The following UNC5C variants were observed in gnomAD, a reference collection of about 807,000 sequenced individuals.
UNC5C encodes unc-5 netrin receptor C, also known as netrin receptor UNC5C.
A neutral mutation model predicts 99.8 loss-of-function variants in UNC5C; 47 were observed. The ratio of observed to expected loss-of-function variants is 0.47; its 90% CI spans 0.37 to 0.60. UNC5C has a LOEUF of 0.60. Among genes scored for constraint, UNC5C ranks in the 20% least tolerant of loss-of-function variants. UNC5C has a pLI of 0.00. For synonymous variants in UNC5C, 487 were observed against 452.2 expected, an observed-to-expected ratio of 1.08 and a Z score of -0.98; for missense variants, 1,062 against 1,165.9, an observed-to-expected ratio of 0.91 and a Z score of 1.30.
intron 3 of UNC5C, among the ~76,000 whole-genome samples, chr4:95,291,903 C>T (rs574991334): frequency 5.9e-4 from 89 of 152,054 alleles, no homozygotes; most frequent in Middle Eastern, 3.4e-3. Flanking sequence ...CATACTACAA[C>T]TCAGAAATGT....
intron 2 of UNC5C, among the ~76,000 whole-genome samples, chr4:95,306,732 G>A (rs1376383468): frequency 6.6e-6 from 1 of 152,106 alleles, no homozygotes; most frequent in African/African-American, 2.4e-5. Flanking sequence ...AAGATATCAT[G>A]TTGTGCAGGC....
At chr4:95,374,182 C>T (rs113469114) in intron 1 of UNC5C, among the ~76,000 whole-genome samples, 259 of 152,156 alleles carry the variant, frequency 1.7e-3, no homozygotes, top group African/African-American at 5.9e-3. Context: ...CAGACTTGCC[C>T]TCAACATTTG....
intron 1 of UNC5C, among the ~76,000 whole-genome samples, chr4:95,504,591 G>A (rs1721862818): frequency 6.6e-6 from 1 of 151,990 alleles, no homozygotes; most frequent in African/African-American, 2.4e-5. Context: ...ATTATTTAAA[G>A]GCAAGGAGAA....
At chr4:95,409,015 A>T (rs558624171) in intron 1 of UNC5C, among the ~76,000 whole-genome samples, 1 of 152,334 alleles carries the variant, frequency 6.6e-6, no homozygotes, top group South Asian at 2.1e-4. Flanking sequence ...CAGGTGAAGT[A>T]CACAGTTTGA....
rs753080058 is a variant in UNC5C at position 95,250,502 on chromosome 4, T to A, written c.760A>T (p.Thr254Ser). The A allele has an allele frequency of 6.2e-7, 1 of 1,613,992 alleles. No individual in the cohort carries two copies. The highest frequency in any genetic ancestry group is 8.5e-7 in the Non-Finnish European group (1 of 1,179,936). The change falls in exon 5 of 16, where the codon ACT becomes TCT. Residue 254 changes from threonine (T) to serine (S), a missense_variant. Thr to Ser is a moderately conservative substitution (Grantham distance 58, BLOSUM62 1). Around this residue, in one of 3 missense-constraint regions of UNC5C, gnomAD observed 810 missense variants for 854.5 expected, o/e 0.95. Transcript: ENST00000453304. ...GGCCACTCACCATAGACTATGACAG[T>A]GGCAGTTGTACTTTTCCTCTTGGCA... ...IVAKRKSTTA[T>S]VIVYVNGGWS... is the part of the protein sequence containing the mutation.
rs28685707 is a variant in UNC5C, at chr4:95,176,914, T to G, written c.2451+5983A>C. On this transcript the variant is annotated intron_variant, in intron 14 of 15. Coordinates refer to ENST00000453304, the MANE Select transcript of UNC5C (RefSeq NM_003728.4). Reference sequence around the variant, plus strand: ...GCGAGACTCTGTGGGCGTAGGACCCTCCGAGCCAGGTGCGGGATATAATCT... The same window carrying G: ...GCGAGACTCTGTGGGCGTAGGACCCGCCGAGCCAGGTGCGGGATATAATCT... Among the ~76,000 whole-genome samples the G allele has an allele frequency of 6.9e-3, 1,047 of 151,914 alleles. 14 individuals carry two copies. Among genetic ancestry groups the G allele is most frequent in the African/African-American group, 0.024 (1,001 of 41,534 alleles).
chr4:95,245,036 C>G lies in UNC5C; in HGVS notation c.884G>C (p.Gly295Ala). The G allele has an allele frequency of 2.5e-6, 4 of 1,614,018 alleles. No homozygotes were observed. Among genetic ancestry groups the G allele is most frequent in the Non-Finnish European group, 3.4e-6 (4 of 1,179,958 alleles). ...RTCTNPAPLNGGAFCEGQSVQ... is the reference protein window; with the variant it reads ...RTCTNPAPLNAGAFCEGQSVQ... ...ACTCTGCCCTTCACAGAAGGCACCCCCATTGAGTGGTGCCGGGTTGGTACA... is the reference window on the plus strand; with the variant it reads ...ACTCTGCCCTTCACAGAAGGCACCCGCATTGAGTGGTGCCGGGTTGGTACA... The change falls in exon 6 of 16, where the codon GGG becomes GCG. Residue 295 changes from glycine to alanine, a missense_variant. By Grantham distance (60) the Gly-to-Ala change is moderately conservative (BLOSUM62 0). This residue lies in a region of UNC5C where 810 missense variants were observed against 854.5 expected (regional missense o/e 0.95). Coordinates refer to ENST00000453304, the MANE Select transcript of UNC5C (RefSeq NM_003728.4).
intron 3 of UNC5C, among the ~76,000 whole-genome samples, chr4:95,287,479 C>G (rs1741277394): frequency 6.6e-6 from 1 of 152,202 alleles, no homozygotes; most frequent in African/African-American, 2.4e-5. Flanking sequence ...GAAGCTCTTT[C>G]AGGTATAGCA....
chr4:95,303,069 G>GGAGT (rs1407593904), intron 2 of UNC5C, among the ~76,000 whole-genome samples: 3 of 152,102 alleles, frequency 2.0e-5, no homozygotes, highest in Non-Finnish European at 4.4e-5. Context: ...AAGGGAATTA[G>GGAGT]GAGTTTGAGA....
chr4:95,497,767 T>C (rs1479463461), intron 1 of UNC5C, among the ~76,000 whole-genome samples: 1 of 152,040 alleles, frequency 6.6e-6, no homozygotes, highest in Non-Finnish European at 1.5e-5. Flanking sequence ...GTTAAGAAAC[T>C]GTAGCAAAGG....
At chr4:95,433,036 T>C (rs1169888537) in intron 1 of UNC5C, among the ~76,000 whole-genome samples, 1 of 152,118 alleles carries the variant, frequency 6.6e-6, no homozygotes, top group Non-Finnish European at 1.5e-5. Flanking sequence ...TAAAAAACTT[T>C]AAAAGTAGAA....
intron 1 of UNC5C, among the ~76,000 whole-genome samples, chr4:95,518,845 A>G (rs1399818239): frequency 2.6e-5 from 4 of 152,180 alleles, no homozygotes; most frequent in Non-Finnish European, 4.4e-5. Flanking sequence ...AATATTTTTT[A>G]AAGGAGGATC....
At chr4:95,420,915 T>A (rs377502019) in intron 1 of UNC5C, among the ~76,000 whole-genome samples, 9 of 152,208 alleles carry the variant, frequency 5.9e-5, no homozygotes, top group African/African-American at 2.2e-4. Context: ...CACTTAAGAT[T>A]ATGAAGCCTA....
intron 1 of UNC5C, among the ~76,000 whole-genome samples, chr4:95,398,990 A>G (rs1382046611): frequency 6.6e-6 from 1 of 152,212 alleles, no homozygotes. Flanking sequence ...TGAATAATAC[A>G]GGAAAACTGT....
intron 1 of UNC5C, among the ~76,000 whole-genome samples, chr4:95,459,864 A>G (rs781409604): frequency 5.3e-5 from 8 of 152,210 alleles, no homozygotes; most frequent in Non-Finnish European, 1.0e-4. Flanking sequence ...AGTATTCTTC[A>G]TAATTTTATA....
At chr4:95,182,854 T>G (rs1305680408) in intron 14 of UNC5C, 43 bp downstream of exon 14, 1 of 1,583,622 alleles carries the variant, frequency 6.3e-7, no homozygotes, top group Non-Finnish European at 8.6e-7. Context: ...TCTTCCTGAG[T>G]GTCGCACTCT....
chr4:95,257,059 C>A (rs1560756049), intron 4 of UNC5C, among the ~76,000 whole-genome samples: 1 of 152,084 alleles, frequency 6.6e-6, no homozygotes, highest in African/African-American at 2.4e-5. Flanking sequence ...TTTGGCAACA[C>A]CCTCACAGAC....
At chr4:95,294,663 C>A (rs976007606) in intron 3 of UNC5C, among the ~76,000 whole-genome samples, 1 of 152,122 alleles carries the variant, frequency 6.6e-6, no homozygotes, top group African/African-American at 2.4e-5. Flanking sequence ...GAATTTCAAC[C>A]TCTAGGATTG....
intron 12 of UNC5C, among the ~76,000 whole-genome samples, chr4:95,201,387 T>C (rs191779742): frequency 6.6e-6 from 1 of 152,098 alleles, no homozygotes. Flanking sequence ...TTCAGCTCCA[T>C]CACACGTTCC....
Sources: allele counts gnomAD v4.1 joint callset (sites outside exome capture counted in the v4.1 genomes callset), GRCh38; gene constraint gnomAD v4.1.1; regional missense constraint gnomAD v4.1.1; transcripts MANE v1.5; gene names NCBI Gene and HGNC (gene_info 2026-07-23, HGNC 2026-07-21).